The following DCAF4 variants were observed in gnomAD, a reference collection of about 807,000 sequenced individuals.
The protein encoded by DCAF4 is DDB1 and CUL4 associated factor 4, also known as DDB1- and CUL4-associated factor 4.
A neutral mutation model predicts 60.9 loss-of-function variants in DCAF4; 37 were observed. The ratio of observed to expected loss-of-function variants is 0.61; its 90% CI spans 0.47 to 0.80. The LOEUF is 0.80. Ranked by LOEUF, DCAF4 falls within the 30% of genes least tolerant of loss-of-function variation. DCAF4 has a pLI of 0.00. For synonymous variants in DCAF4, 243 were observed against 254.8 expected, an observed-to-expected ratio of 0.95 and a Z score of 0.44; for missense variants, 577 against 650.0, an observed-to-expected ratio of 0.89 and a Z score of 1.22.
chr14:72,951,361 C>A (rs1268642254), intron 8 of DCAF4, among the ~76,000 whole-genome samples: 1 of 152,134 alleles, frequency 6.6e-6, no homozygotes, highest in Non-Finnish European at 1.5e-5. Context: ...CCTATAATCC[C>A]AGCACTTTGG....
chr14:72,930,433 T>C (rs1277797322), intron 1 of DCAF4, among the ~76,000 whole-genome samples: 1 of 152,108 alleles, frequency 6.6e-6, no homozygotes, highest in Non-Finnish European at 1.5e-5. Flanking sequence ...CACACCGAGC[T>C]GATTTTTGTA....
chr14:72,944,812 G>A (rs919698669), intron 6 of DCAF4, among the ~76,000 whole-genome samples: 1 of 151,990 alleles, frequency 6.6e-6, no homozygotes, highest in African/African-American at 2.4e-5. Context: ...AATAGGGCCA[G>A]GTGTGGTGGC....
chr14:72,948,869 T>A lies in DCAF4; in HGVS notation c.728+1678T>A, dbSNP rs192450822. ...TTAGATGGAATTCTTTCTACACTTATTGGGCCCTTAGTTAACCTGTGGCCT... is the reference window on the plus strand; with the variant it reads ...TTAGATGGAATTCTTTCTACACTTAATGGGCCCTTAGTTAACCTGTGGCCT... On this transcript the variant is annotated intron_variant, in intron 8 of 13. Transcript: ENST00000358377. Among the ~76,000 whole-genome samples the A allele has an allele frequency of 1.4e-3, 220 of 152,364 alleles. 1 individual carries two copies. The highest frequency in any genetic ancestry group is 4.8e-3 in the African/African-American group (201 of 41,592).
In DCAF4 at chr14:72,954,468, GC is replaced by G; in HGVS notation, c.991del (p.Gln331SerfsTer43). On this transcript the variant is annotated frameshift_variant, in exon 11 of 14. Transcript: ENST00000358377. LOFTEE classifies it high-confidence loss of function. Reference sequence around the variant, plus strand: ...GGACCAACAGTGATGTCTTGGCCCAGCAGTTTGCTCTCATGGTTGGTTGGAT... The same window carrying G: ...GGACCAACAGTGATGTCTTGGCCCAGAGTTTGCTCTCATGGTTGGTTGGAT... The part of the protein sequence containing the change: ...FGTNSDVLAQ[Q>X]FALMAPLLFN... 6.2e-7 allele frequency: 1 copy of G among 1,614,230 alleles called. No homozygotes were observed. The highest frequency in any genetic ancestry group is 8.5e-7 in the Non-Finnish European group (1 of 1,180,036).
At chr14:72,939,969 CT>C (rs1889808353) in intron 3 of DCAF4, 67 bp downstream of exon 3, 2 of 1,428,882 alleles carry the variant, frequency 1.4e-6, no homozygotes, top group African/African-American at 2.9e-5. Flanking sequence ...CCGTTCCTGG[CT>C]TGGAAGGAAT....
At chr14:72,939,765 T>C (rs1242081071) in intron 2 of DCAF4, 37 bp from the exon 3 acceptor site, 2 of 1,570,960 alleles carry the variant, frequency 1.3e-6, no homozygotes, top group African/African-American at 2.7e-5. Context: ...GGAACTCAAG[T>C]CCTGGGCTGC....
intron 1 of DCAF4, among the ~76,000 whole-genome samples, chr14:72,934,479 G>C (rs1303082652): frequency 2.0e-5 from 3 of 152,010 alleles, no homozygotes; most frequent in Non-Finnish European, 4.4e-5. Flanking sequence ...TAGTAGAGTT[G>C]GGGTTTCGTC....
At chr14:72,956,276 A>G in intron 12 of DCAF4, 110 bp from the exon 13 acceptor site, 1 of 728,280 alleles carries the variant, frequency 1.4e-6, no homozygotes, top group Non-Finnish European at 2.2e-6. Context: ...GGAGATCTTC[A>G]TGACCTGCAC....
In DCAF4 at chr14:72,945,948, G is replaced by A. The variant is rs1300203070; in HGVS notation, c.599G>A (p.Gly200Asp). The A allele has an allele frequency of 6.2e-7, 1 of 1,614,024 alleles. No individual in the cohort carries two copies. ...NDVKVGGSKY[G>D]IINLQSLKTP... ...GTTAAAGTTGGAGGCTCCAAGTATGGTATCATCAACCTGCAAAGTCTGAAG... is the reference window on the plus strand; with the variant it reads ...GTTAAAGTTGGAGGCTCCAAGTATGATATCATCAACCTGCAAAGTCTGAAG... Residue 200 changes from glycine to aspartate, a missense_variant, in exon 7 of 14, where the codon GGT (glycine) becomes GAT (aspartate). Gly to Asp is a moderately conservative substitution (Grantham distance 94). Coordinates refer to ENST00000358377, the MANE Select transcript of DCAF4 (RefSeq NM_015604.4).
chr14:72,946,041 C>T lies in DCAF4; in HGVS notation c.678+14C>T. Reference sequence around the variant, plus strand: ...ACCAACCGGAAGGTACGTTGCCCATCCCTGTAGCCTCTCTGCACACTTGAC... The same window carrying T: ...ACCAACCGGAAGGTACGTTGCCCATTCCTGTAGCCTCTCTGCACACTTGAC... On this transcript the variant is annotated intron_variant, in intron 7 of 13. Coordinates refer to ENST00000358377, the MANE Select transcript of DCAF4 (RefSeq NM_015604.4). 1.2e-6 allele frequency: 2 copies of T among 1,613,076 alleles called. No individual in the cohort carries two copies. The highest frequency in any genetic ancestry group is 1.1e-5 in the South Asian group (1 of 91,056).
At chr14:72,944,188 C>T (rs1480261408) in intron 6 of DCAF4, among the ~76,000 whole-genome samples, 1 of 152,118 alleles carries the variant, frequency 6.6e-6, no homozygotes, top group Admixed American at 6.5e-5. Flanking sequence ...CCAGGCTTTA[C>T]GTGTGGTAGG....
intron 1 of DCAF4, chr14:72,929,626 C>T: frequency 1.6e-6 from 2 of 1,229,322 alleles, no homozygotes; most frequent in South Asian, 2.5e-5. Flanking sequence ...TCTTTCTTGG[C>T]AGCGGCTTTC....
intron 6 of DCAF4, 26 bp downstream of exon 6, chr14:72,943,122 A>G: frequency 6.3e-7 from 1 of 1,594,458 alleles, no homozygotes; most frequent in Non-Finnish European, 8.6e-7. Context: ...ACACCTGCCT[A>G]GGGTGTGGCT....
chr14:72,946,137 A>C, intron 7 of DCAF4, 110 bp downstream of exon 7: 3 of 1,352,058 alleles, frequency 2.2e-6, no homozygotes, highest in South Asian at 1.4e-5. Flanking sequence ...TACTTACCTC[A>C]TTTTTCCATA....
chr14:72,960,618 G>A (rs553030220), downstream of DCAF4: 7 of 1,059,344 alleles, frequency 6.6e-6, no homozygotes, highest in African/African-American at 8.4e-5. Flanking sequence ...GCACAGGAAG[G>A]GATGGCTGGA....
chr14:72,939,827 G>A lies in DCAF4; in HGVS notation c.118G>A (p.Ala40Thr), dbSNP rs913619934. The change falls in exon 3 of 14, where the codon GCT (alanine) becomes ACT (threonine). Residue 40 changes from alanine (A) to threonine (T), a missense_variant. Coordinates refer to ENST00000358377, the MANE Select transcript of DCAF4 (RefSeq NM_015604.4). Reference protein sequence around the residue: ...DRSDSRAAQPAHDSGHGDDES... With the variant: ...DRSDSRAAQPTHDSGHGDDES... ...GTCTGACTCCCGGGCAGCACAGCCC[G>A]CTCACGATTCCGGCCACGGTGATGA... is the stretch of plus-strand genomic sequence containing the variant. The A allele has an allele frequency of 2.7e-5, 44 of 1,612,856 alleles. No homozygotes were observed. Among genetic ancestry groups the A allele is most frequent in the East Asian group, 4.5e-5 (2 of 44,790 alleles).
At chr14:72,954,783 A>T (rs958319688) in intron 11 of DCAF4, among the ~76,000 whole-genome samples, 1 of 152,166 alleles carries the variant, frequency 6.6e-6, no homozygotes, top group Non-Finnish European at 1.5e-5. Context: ...GCCAAACACC[A>T]ATTCTTCACA....
chr14:72,928,187 C>CTTT lies in DCAF4; in HGVS notation c.-9+1665_-9+1667dup, dbSNP rs565229070. ...CCCGCTAGTCTACAGAATCCCCCCACTTTTTTTTTTTTTTTTTTTTTTTGA... is the reference window on the plus strand; with the variant it reads ...CCCGCTAGTCTACAGAATCCCCCCACTTTTTTTTTTTTTTTTTTTTTTTTTTGA... On this transcript the variant is annotated intron_variant, in intron 1 of 13. Coordinates refer to ENST00000358377, the MANE Select transcript of DCAF4 (RefSeq NM_015604.4). Among the ~76,000 whole-genome samples the CTTT allele has an allele frequency of 4.3e-4, 29 of 67,270 alleles. 4 individuals carry two copies. The highest frequency in any genetic ancestry group is 7.2e-4 in the Admixed American group (3 of 4,164). 44.1% of individuals were successfully genotyped at this position (67,270 alleles called of 152,430 possible). A position where few individuals can be genotyped will look rare whatever the true frequency, so the allele number is the denominator to read the frequency against.
intron 1 of DCAF4, among the ~76,000 whole-genome samples, chr14:72,928,596 T>TATATATAAATATATATATATATATAA (rs1555521220): frequency 7.2e-5 from 2 of 27,930 alleles, no homozygotes; most frequent in Non-Finnish European, 1.6e-4. Flanking sequence ...TATATATATA[T>TATATATAAATATATATATATATATAA]ATATATATAT....
Sources: allele counts gnomAD v4.1 joint callset (sites outside exome capture counted in the v4.1 genomes callset), GRCh38; gene constraint gnomAD v4.1.1; transcripts MANE v1.5; gene names NCBI Gene and HGNC (gene_info 2026-07-23, HGNC 2026-07-21).